Variants in CADM2 observed in about 807,000 individuals in gnomAD.
The protein encoded by CADM2 is immunoglobulin superfamily member 4D.
Under a neutral mutation model 49.8 loss-of-function variants are expected in CADM2, and 12 were observed. The observed-to-expected ratio is 0.24, with a 90% CI of 0.15 to 0.39. The LOEUF (loss-of-function observed/expected upper bound fraction) is 0.39. Ranked by LOEUF, CADM2 falls within the 10% of genes least tolerant of loss-of-function variation. The pLI, the probability that CADM2 is intolerant of heterozygous loss-of-function variation, is 1.00. For synonymous variants in CADM2, 214 were observed against 175.4 expected, an observed-to-expected ratio of 1.22 and a Z score of -1.74; for missense variants, 378 against 492.3, an observed-to-expected ratio of 0.77 and a Z score of 2.20.
intron 1 of CADM2, among the ~76,000 whole-genome samples, chr3:85,293,366 G>C (rs2106945839): frequency 6.7e-6 from 1 of 150,034 alleles, no homozygotes; most frequent in South Asian, 2.1e-4. Context: ...GGTACAAGGA[G>C]GAACTGGTAC....
chr3:85,639,065 A>G (rs989155246), intron 1 of CADM2, among the ~76,000 whole-genome samples: 1 of 152,234 alleles, frequency 6.6e-6, no homozygotes, highest in African/African-American at 2.4e-5. Context: ...ACTTAAGAGT[A>G]ATCAAATTAG....
At chr3:85,327,145 A>G (rs190395231) in intron 1 of CADM2, among the ~76,000 whole-genome samples, 1 of 152,130 alleles carries the variant, frequency 6.6e-6, no homozygotes, top group African/African-American at 2.4e-5. Context: ...TGAGAATTCT[A>G]TCCTACAATT....
intron 1 of CADM2, among the ~76,000 whole-genome samples, chr3:85,631,911 A>C (rs1576977272): frequency 6.6e-6 from 1 of 152,298 alleles, no homozygotes; most frequent in Non-Finnish European, 1.5e-5. Flanking sequence ...GGTTTTTAGA[A>C]AATATTTTCC....
At chr3:85,815,326 C>A (rs1194597012) in intron 3 of CADM2, among the ~76,000 whole-genome samples, 5 of 152,132 alleles carry the variant, frequency 3.3e-5, no homozygotes, top group African/African-American at 4.8e-5. Flanking sequence ...CCCTGATGAA[C>A]ATCGATGCGA....
chr3:85,947,447 T>G (rs972067905), intron 7 of CADM2, among the ~76,000 whole-genome samples: 7 of 151,496 alleles, frequency 4.6e-5, no homozygotes, highest in African/African-American at 1.7e-4. Flanking sequence ...AAATGCAAAA[T>G]TGTCTCAATT....
chr3:85,151,417 TTTTAAAAC>T (rs1163121328), intron 1 of CADM2, among the ~76,000 whole-genome samples: 3 of 151,976 alleles, frequency 2.0e-5, no homozygotes, highest in Non-Finnish European at 2.9e-5. Context: ...CTATTGGAAA[TTTTAAAAC>T]TTTATTATAG....
chr3:86,031,457 A>G (rs1734551601), intron 8 of CADM2, among the ~76,000 whole-genome samples: 1 of 151,846 alleles, frequency 6.6e-6, no homozygotes, highest in African/African-American at 2.4e-5. Context: ...GGTGTTTTCA[A>G]ATTTCAACCA....
At chr3:85,866,152 A>G (rs149471711) in intron 3 of CADM2, among the ~76,000 whole-genome samples, 2 of 152,196 alleles carry the variant, frequency 1.3e-5, no homozygotes, top group African/African-American at 4.8e-5. Flanking sequence ...TAATAATAAT[A>G]ATGATAGAAG....
At chr3:85,414,734 A>G (rs955069477) in intron 1 of CADM2, among the ~76,000 whole-genome samples, 8 of 152,058 alleles carry the variant, frequency 5.3e-5, no homozygotes, top group Non-Finnish European at 7.4e-5. Context: ...CAACCACCTC[A>G]AGCTTTTTAC....
At chr3:85,507,744 G>C (rs971578210) in intron 1 of CADM2, among the ~76,000 whole-genome samples, 2 of 152,068 alleles carry the variant, frequency 1.3e-5, no homozygotes, top group African/African-American at 4.8e-5. Context: ...TATATTTAAG[G>C]ATTTTTACAT....
intron 1 of CADM2, among the ~76,000 whole-genome samples, chr3:85,582,948 G>T (rs12639409): frequency 0.021 from 3,269 of 152,120 alleles, 143 homozygotes; most frequent in South Asian, 0.1. Flanking sequence ...TAAAATAAGG[G>T]TGGTAATAAT....
rs1047585871 is a variant in CADM2, at chr3:85,756,963, T to G, written c.88+30415T>G. ...AAGATGGTTTAATAAAAATATCATT[T>G]GACTTTTCACAACAGTGAAGTGATT... On this transcript the variant is annotated intron_variant, in intron 2 of 9. Transcript: ENST00000383699. Among the ~76,000 whole-genome samples, 134 of 152,272 alleles carry G rather than the reference T, an allele frequency of 8.8e-4. 3 individuals carry two copies. Among genetic ancestry groups the G allele is most frequent in the Admixed American group, 8.8e-3 (134 of 15,280 alleles).
chr3:85,266,588 T>A (rs13062591), intron 1 of CADM2, among the ~76,000 whole-genome samples: 61,783 of 142,570 alleles, frequency 0.43, 14,325 homozygotes, highest in Admixed American at 0.56. Context: ...AAGAATTATT[T>A]TTATGAAACT....
At chr3:85,793,179 C>T (rs1044452731) in intron 2 of CADM2, among the ~76,000 whole-genome samples, 1 of 152,032 alleles carries the variant, frequency 6.6e-6, no homozygotes, top group Non-Finnish European at 1.5e-5. Context: ...AAAGATAGGA[C>T]CAGGAGAGTT....
chr3:85,108,785 A>G (rs2038345072), intron 1 of CADM2, among the ~76,000 whole-genome samples: 1 of 152,044 alleles, frequency 6.6e-6, no homozygotes, highest in African/African-American at 2.4e-5. Context: ...TTTGAATTAG[A>G]AAAAAACATG....
At chr3:85,021,737 T>C (rs938594262) in intron 1 of CADM2, among the ~76,000 whole-genome samples, 23 of 152,148 alleles carry the variant, frequency 1.5e-4, no homozygotes, top group Non-Finnish European at 2.9e-5. Context: ...ATCATGCCAT[T>C]GCACTTCAGC....
At chr3:85,808,617 C>T (rs983152645) in intron 3 of CADM2, among the ~76,000 whole-genome samples, 2 of 152,142 alleles carry the variant, frequency 1.3e-5, no homozygotes, top group Non-Finnish European at 2.9e-5. Flanking sequence ...ATAACACACA[C>T]ATTCAACAGA....
At chr3:85,124,004 G>A (rs2038948054) in intron 1 of CADM2, among the ~76,000 whole-genome samples, 1 of 152,164 alleles carries the variant, frequency 6.6e-6, no homozygotes, top group African/African-American at 2.4e-5. Flanking sequence ...TATTAGTGAG[G>A]AGGTTGATCA....
intron 1 of CADM2, among the ~76,000 whole-genome samples, chr3:85,683,070 T>C (rs1193643598): frequency 6.6e-6 from 1 of 152,112 alleles, no homozygotes; most frequent in Non-Finnish European, 1.5e-5. Context: ...GGTGTCACTA[T>C]GCAATGTGAG....
Sources: allele counts gnomAD v4.1 joint callset (sites outside exome capture counted in the v4.1 genomes callset), GRCh38; gene constraint gnomAD v4.1.1; transcripts MANE v1.5; gene names NCBI Gene and HGNC (gene_info 2026-07-23, HGNC 2026-07-21).